The following LRRK1 variants were observed in gnomAD, a reference collection of about 807,000 sequenced individuals.
The protein encoded by LRRK1 is leucine-rich repeat serine/threonine-protein kinase 1.
A neutral mutation model predicts 209.1 loss-of-function variants in LRRK1; 113 were observed. That is an observed-to-expected ratio of 0.54 (90% CI 0.46 to 0.63). The LOEUF is 0.63. Ranked by LOEUF, LRRK1 falls within the 30% of genes least tolerant of loss-of-function variation. LRRK1 has a pLI of 0.00. For missense variants in LRRK1, 2,284 were observed against 2,632.2 expected (o/e 0.87, Z 2.89); for synonymous variants, 1,144 against 1,099.7 (o/e 1.04, Z -0.80).
chr15:101,056,983 C>T lies in LRRK1; in HGVS notation c.4460C>T (p.Pro1487Leu), dbSNP rs201964335. 2.6e-5 allele frequency: 42 copies of T among 1,613,962 alleles called. No individual in the cohort carries two copies. Among genetic ancestry groups the T allele is most frequent in the African/African-American group, 5.3e-5 (4 of 74,928 alleles). The change falls in exon 28 of 34, where the codon CCG becomes CTG. Residue 1487 changes from proline to leucine, a missense_variant. By Grantham distance (98) the Pro-to-Leu change is moderately conservative. Transcript: ENST00000388948. The part of the protein sequence containing the change: ...SKGIRPVLGQ[P>L]EEVQFRRLQA... Reference sequence around the variant, plus strand: ...GGCATCCGCCCGGTTCTGGGGCAGCCGGAGGAAGTGCAGTTCCGGCGACTG... The same window carrying T: ...GGCATCCGCCCGGTTCTGGGGCAGCTGGAGGAAGTGCAGTTCCGGCGACTG...
At chr15:101,030,313 A>G (rs1336032284) in intron 20 of LRRK1, among the ~76,000 whole-genome samples, 2 of 151,896 alleles carry the variant, frequency 1.3e-5, no homozygotes, top group Non-Finnish European at 2.9e-5. Flanking sequence ...TCCAGCCCGC[A>G]GTGTCCTCAG....
intron 31 of LRRK1, 122 bp downstream of exon 31, chr15:101,062,812 G>T: frequency 1.3e-6 from 1 of 746,588 alleles, no homozygotes; most frequent in East Asian, 2.5e-5. Flanking sequence ...GGCCTAGGAC[G>T]TAGACTTAGA....
At chr15:101,013,859 C>T (rs1276921870) in intron 10 of LRRK1, among the ~76,000 whole-genome samples, 1 of 151,948 alleles carries the variant, frequency 6.6e-6, no homozygotes, top group Non-Finnish European at 1.5e-5. Flanking sequence ...ACTGCCACCC[C>T]GTCCCCAGAC....
At chr15:100,930,436 A>G (rs1401536241) in intron 2 of LRRK1, among the ~76,000 whole-genome samples, 1 of 152,062 alleles carries the variant, frequency 6.6e-6, no homozygotes, top group Non-Finnish European at 1.5e-5. Flanking sequence ...ACCGGCTTTC[A>G]GGAGCACCCC....
chr15:101,041,423 T>C (rs530873302), intron 20 of LRRK1, among the ~76,000 whole-genome samples: 1 of 152,370 alleles, frequency 6.6e-6, no homozygotes, highest in South Asian at 2.1e-4. Flanking sequence ...ATTTATACCA[T>C]CTGATTTTGT....
At chr15:100,935,914 C>G (rs2042291221) in intron 2 of LRRK1, among the ~76,000 whole-genome samples, 1 of 152,224 alleles carries the variant, frequency 6.6e-6, no homozygotes, top group South Asian at 2.1e-4. Context: ...CTAGCCCAAG[C>G]TTCTTTACAG....
At chr15:100,976,593 T>C (rs79585222) in intron 3 of LRRK1, among the ~76,000 whole-genome samples, 6,987 of 152,324 alleles carry the variant, frequency 0.046, 208 homozygotes, top group Middle Eastern at 0.075. Context: ...TAGGAATGTG[T>C]GCAGCCTCTT....
At chr15:100,930,063 G>C (rs2042182021) in intron 2 of LRRK1, among the ~76,000 whole-genome samples, 2 of 152,224 alleles carry the variant, frequency 1.3e-5, no homozygotes, top group Non-Finnish European at 2.9e-5. Flanking sequence ...GAATGTGCTT[G>C]CTTACTTCTA....
In LRRK1 at chr15:101,027,676, G is replaced by A. The variant is rs1370660683; in HGVS notation, c.2565G>A (p.Leu855=). The A allele has an allele frequency of 3.1e-6, 5 of 1,613,230 alleles. No individual in the cohort carries two copies. The highest frequency in any genetic ancestry group is 1.1e-5 in the South Asian group (1 of 90,840). ...ACCTGAGCCTGCAGGAGGCCGTGCTGGCAGAGCAGCAGCGCCGCAGCCGGG... is the reference window on the plus strand; with the variant it reads ...ACCTGAGCCTGCAGGAGGCCGTGCTAGCAGAGCAGCAGCGCCGCAGCCGGG... The part of the protein sequence containing the change: ...RSYLSLQEAV[L]AEQQRRSRDD... Residue 855 remains leucine (L), a synonymous_variant, in exon 19 of 34, where the codon CTG becomes CTA. Coordinates refer to ENST00000388948, the MANE Select transcript of LRRK1 (RefSeq NM_024652.6). The surrounding 1 kb of genome is among the most constrained non-coding windows in gnomAD (Gnocchi z 5.1).
chr15:101,058,896 G>A (rs141372867), intron 29 of LRRK1, among the ~76,000 whole-genome samples: 6 of 152,284 alleles, frequency 3.9e-5, no homozygotes, highest in African/African-American at 9.6e-5. Context: ...GCGCACAGTC[G>A]GTAGTAAAGA....
rs549338527 is a variant in LRRK1 at position 100,958,715 on chromosome 15, G to A, written c.98-15089G>A. 5.3e-5 allele frequency among the ~76,000 whole-genome samples: 8 copies of A among 152,228 alleles called. No individual in the cohort carries two copies. The South Asian group carries it at 1.7e-3, about 32-fold the overall frequency. ...TCAGGCAGTGTTCTAAGCACTTCTC[G>A]TGCTTCCATCCACTTGACCCTCACA... is the stretch of plus-strand genomic sequence containing the variant. On this transcript the variant is annotated intron_variant, in intron 2 of 33. Transcript: ENST00000388948.
Position 100,950,972 on chromosome 15 carries a change from G to A in LRRK1, c.98-22832G>A, listed in dbSNP as rs190263695. On this transcript the variant is annotated intron_variant, in intron 2 of 33. Coordinates refer to ENST00000388948, the MANE Select transcript of LRRK1 (RefSeq NM_024652.6). ...CAAAAAATTAGCCGGGCGTGGTGGC[G>A]GGCGCCTGTAGTCCCAGCTATTTGG... Among the ~76,000 whole-genome samples the A allele has an allele frequency of 1.8e-3, 271 of 152,234 alleles. 3 individuals carry two copies. In the South Asian group the frequency reaches 0.018, roughly 10 times the overall value.
intron 2 of LRRK1, among the ~76,000 whole-genome samples, chr15:100,933,098 C>T (rs903913510): frequency 1.3e-5 from 2 of 152,230 alleles, no homozygotes; most frequent in African/African-American, 4.8e-5. Flanking sequence ...TCCTGGGAGG[C>T]TCCTGCAGGA....
intron 29 of LRRK1, among the ~76,000 whole-genome samples, chr15:101,058,387 G>A (rs1365911522): frequency 6.6e-6 from 1 of 152,088 alleles, no homozygotes; most frequent in African/African-American, 2.4e-5. Flanking sequence ...GGGTGTCTGG[G>A]GACGTGAGGG....
At chr15:101,067,074 C>T (rs1316484833) in intron 33 of LRRK1, among the ~76,000 whole-genome samples, 2 of 152,208 alleles carry the variant, frequency 1.3e-5, no homozygotes, top group Non-Finnish European at 2.9e-5. Flanking sequence ...CACTGTTCTT[C>T]CTGCCAAGCA....
At position 101,027,159 on chromosome 15, in the gene LRRK1, G is replaced by T; in HGVS notation, c.2406-102G>T. 2 of 1,460,094 alleles carry T rather than the reference G, an allele frequency of 1.4e-6. No individual in the cohort carries two copies. Among genetic ancestry groups the T allele is most frequent in the South Asian group, 2.6e-5 (2 of 77,008 alleles). 90.4% of individuals were successfully genotyped at this position (1,460,094 alleles called of 1,614,324 possible). A position where few individuals can be genotyped will look rare whatever the true frequency, so the allele number is the denominator to read the frequency against. On this transcript the variant is annotated intron_variant, in intron 17 of 33. Coordinates refer to ENST00000388948, the MANE Select transcript of LRRK1 (RefSeq NM_024652.6). This position sits in a 1 kb window ranked among gnomAD's most constrained non-coding sequence, Gnocchi z 5.1. ...TGTGTTGTCTTTCACGAGTTCTCCA[G>T]ACTTGCCAGCGTTCAGGACAAACCT...
chr15:101,032,828 T>A (rs2034340863), intron 20 of LRRK1, among the ~76,000 whole-genome samples: 1 of 152,264 alleles, frequency 6.6e-6, no homozygotes, highest in Non-Finnish European at 1.5e-5. Flanking sequence ...TTCAGGACTC[T>A]ATTTTGTTCC....
intron 3 of LRRK1, among the ~76,000 whole-genome samples, chr15:100,983,172 C>CA (rs1267844102): frequency 5.3e-5 from 8 of 150,328 alleles, no homozygotes; most frequent in African/African-American, 1.2e-4. Flanking sequence ...GAGACCCTGT[C>CA]AAAAAAAATA....
intron 2 of LRRK1, among the ~76,000 whole-genome samples, chr15:100,969,107 T>G (rs1206111880): frequency 6.6e-6 from 1 of 152,220 alleles, no homozygotes; most frequent in Non-Finnish European, 1.5e-5. Context: ...TCCAAATTGC[T>G]GGGATTACAG....
Sources: allele counts gnomAD v4.1 joint callset (sites outside exome capture counted in the v4.1 genomes callset), GRCh38; gene constraint gnomAD v4.1.1; non-coding constraint Gnocchi (gnomAD v3.1); transcripts MANE v1.5; gene names NCBI Gene and HGNC (gene_info 2026-07-23, HGNC 2026-07-21).